BACE2: variants seen among roughly 807,000 people sequenced by gnomAD.
The protein encoded by BACE2 is beta-secretase 2, also known as 56 kDa aspartic-like protease.
In BACE2, 17 loss-of-function variants were observed where a neutral mutation model predicts 46.2. The observed-to-expected ratio is 0.37, with a 90% CI of 0.25 to 0.55. The LOEUF (loss-of-function observed/expected upper bound fraction) is 0.55, where lower values mean the gene tolerates loss of function less well. Ranked by LOEUF, BACE2 falls within the 20% of genes least tolerant of loss-of-function variation. BACE2 has a pLI of 0.82. For synonymous variants in BACE2, 277 were observed against 295.9 expected (o/e 0.94, Z 0.66); for missense variants, 595 against 698.1 (o/e 0.85, Z 1.66).
intron 3 of BACE2, 62 bp downstream of exon 3, chr21:41,237,791 A>C: frequency 1.4e-6 from 2 of 1,402,312 alleles, no homozygotes; most frequent in Non-Finnish European, 2.0e-6. Context: ...AAAATCAGTC[A>C]TTAAAGGGCT....
chr21:41,206,183 G>A (rs1307108428), intron 1 of BACE2, among the ~76,000 whole-genome samples: 1 of 152,200 alleles, frequency 6.6e-6, no homozygotes, highest in African/African-American at 2.4e-5. Context: ...CAAGGTCCAG[G>A]TGCCAGCATG....
intron 1 of BACE2, among the ~76,000 whole-genome samples, chr21:41,195,350 C>T (rs534938009): frequency 2.4e-4 from 37 of 152,326 alleles, no homozygotes; most frequent in African/African-American, 7.5e-4. Flanking sequence ...TTGTCTGTGT[C>T]AGGAAGCTGC....
chr21:41,241,263 G>A (rs1460638369), intron 3 of BACE2, among the ~76,000 whole-genome samples: 2 of 152,210 alleles, frequency 1.3e-5, no homozygotes, highest in Non-Finnish European at 2.9e-5. Context: ...TGCTTCTGGA[G>A]TATAGATTTG....
intron 8 of BACE2, among the ~76,000 whole-genome samples, chr21:41,265,396 A>T (rs534689396): frequency 1.3e-4 from 20 of 152,348 alleles, no homozygotes; most frequent in South Asian, 4.1e-4. Context: ...TGTAATTTTA[A>T]TGAATATCAC....
intron 8 of BACE2, among the ~76,000 whole-genome samples, chr21:41,265,288 C>T (rs7277420): frequency 0.16 from 24,010 of 151,410 alleles, 2,319 homozygotes; most frequent in African/African-American, 0.27. Flanking sequence ...TTACAAATAA[C>T]ACTGCAGTGA....
Position 41,168,242 on chromosome 21 carries a change from C to G in BACE2, c.-22C>G. 2.6e-6 allele frequency: 3 copies of G among 1,137,728 alleles called. No homozygotes were observed. The highest frequency in any genetic ancestry group is 3.2e-6 in the Non-Finnish European group (3 of 926,788). 70.5% of individuals were successfully genotyped at this position (1,137,728 alleles called of 1,614,324 possible). ...GACGGGACCGGCTAGGCTGGGCGCG[C>G]CCCCCGGGCCCCGCCGTGGGCATGG... On this transcript the variant is annotated 5_prime_UTR_variant, in exon 1 of 9. Transcript: ENST00000330333.
At chr21:41,268,348 T>C (rs573107126) in intron 8 of BACE2, among the ~76,000 whole-genome samples, 1 of 152,314 alleles carries the variant, frequency 6.6e-6, no homozygotes, top group African/African-American at 2.4e-5. Flanking sequence ...TGGCCTCTCA[T>C]AAATCAATCC....
intron 1 of BACE2, among the ~76,000 whole-genome samples, chr21:41,205,036 C>T (rs764898882): frequency 3.3e-5 from 5 of 152,082 alleles, no homozygotes; most frequent in African/African-American, 7.2e-5. Context: ...CTGAAATTAG[C>T]GAAGGGTAGC....
intron 1 of BACE2, among the ~76,000 whole-genome samples, chr21:41,220,111 G>A (rs1160468354): frequency 6.6e-6 from 1 of 152,148 alleles, no homozygotes; most frequent in Non-Finnish European, 1.5e-5. Context: ...ACAGAACTCA[G>A]GAAGACATGT....
intron 1 of BACE2, among the ~76,000 whole-genome samples, chr21:41,194,513 A>G (rs1211321294): frequency 6.6e-6 from 1 of 152,182 alleles, no homozygotes; most frequent in Non-Finnish European, 1.5e-5. Flanking sequence ...CTTTAGGGAA[A>G]GCTTATATTT....
At chr21:41,257,055 C>A in intron 7 of BACE2, 103 bp from the exon 8 acceptor site, 2 of 1,316,038 alleles carry the variant, frequency 1.5e-6, no homozygotes, top group Non-Finnish European at 2.1e-6. Flanking sequence ...CTCCCCCCAG[C>A]GCCTGGGAGG....
intron 8 of BACE2, among the ~76,000 whole-genome samples, chr21:41,274,784 G>T (rs1233454589): frequency 1.3e-5 from 2 of 152,136 alleles, no homozygotes; most frequent in African/African-American, 4.8e-5. Flanking sequence ...AGTGGGGCAG[G>T]GAGGGTCTCT....
At chr21:41,240,257 A>G (rs1987248966) in intron 3 of BACE2, among the ~76,000 whole-genome samples, 1 of 152,150 alleles carries the variant, frequency 6.6e-6, no homozygotes, top group Non-Finnish European at 1.5e-5. Context: ...GCTTCCTGTC[A>G]AGGCTGTGTC....
intron 2 of BACE2, chr21:41,229,976 A>G (rs1986927453): frequency 6.6e-6 from 1 of 152,280 alleles, no homozygotes; most frequent in Non-Finnish European, 1.5e-5. Flanking sequence ...GAGAAAGAAC[A>G]CACCAGTGTC....
At chr21:41,168,778 G>A (rs1984477688) in intron 1 of BACE2, among the ~76,000 whole-genome samples, 1 of 152,032 alleles carries the variant, frequency 6.6e-6, no homozygotes, top group South Asian at 2.1e-4. Context: ...GCCCCCGCCC[G>A]GGGCGCACTG....
rs2088551911 is a variant in BACE2, at chr21:41,281,788, TGGTATA to T, written c.*6165_*6170del. ...ACAATTTTGTGTTCTTTGTTGCTAG[TGGTATA>T]AAACGAGATTTTTTTCCCTCATTTT... On this transcript the variant is annotated 3_prime_UTR_variant, in exon 9 of 9. Coordinates refer to ENST00000330333, the MANE Select transcript of BACE2 (RefSeq NM_012105.5). 1 of 152,234 alleles carries T rather than the reference TGGTATA, an allele frequency of 6.6e-6. No homozygotes were observed. Among genetic ancestry groups the T allele is most frequent in the East Asian group, 1.9e-4 (1 of 5,196 alleles). 9.4% of individuals were successfully genotyped at this position (152,234 alleles called of 1,614,324 possible).
chr21:41,210,060 C>T (rs776370756), intron 1 of BACE2, among the ~76,000 whole-genome samples: 8 of 151,966 alleles, frequency 5.3e-5, no homozygotes, highest in Non-Finnish European at 1.2e-4. Context: ...AGTGACAGCT[C>T]CCAGGTCCAG....
intron 7 of BACE2, among the ~76,000 whole-genome samples, chr21:41,255,164 G>A (rs1049086020): frequency 1.3e-5 from 2 of 152,218 alleles, no homozygotes; most frequent in African/African-American, 2.4e-5. Flanking sequence ...GATTTGGGGG[G>A]AACAGCCAGC....
At chr21:41,224,219 T>C (rs1048755254) in intron 1 of BACE2, among the ~76,000 whole-genome samples, 1 of 141,756 alleles carries the variant, frequency 7.1e-6, no homozygotes, top group Admixed American at 6.9e-5. Flanking sequence ...ATTTTTTTTT[T>C]TTTTTTTTTT....
Sources: gnomAD v4.1 joint callset for allele counts (sites outside exome capture counted in the v4.1 genomes callset) on GRCh38, gnomAD v4.1.1 for gene constraint, MANE v1.5 for transcripts, NCBI Gene and HGNC (gene_info 2026-07-23, HGNC 2026-07-21) for gene names.